SINHCAF: variants seen among roughly 807,000 people sequenced by gnomAD.
SINHCAF encodes the protein SIN3-HDAC complex associated factor.
A neutral mutation model predicts 25.8 loss-of-function variants in SINHCAF; 3 were observed. That is an observed-to-expected ratio of 0.12 (90% CI 0.05 to 0.30). The LOEUF is 0.30. SINHCAF is among the 10% of genes least tolerant of loss of function. The pLI, the probability that SINHCAF is intolerant of heterozygous loss-of-function variation, is 1.00. For missense variants in SINHCAF, 121 were observed against 262.3 expected, an observed-to-expected ratio of 0.46 and a Z score of 3.72; for synonymous variants, 70 against 85.5, an observed-to-expected ratio of 0.82 and a Z score of 1.00.
In SINHCAF at chr12:31,310,544, G is replaced by A. The variant is rs17576199; in HGVS notation, c.-20-12320C>T. On this transcript the variant is annotated intron_variant, in intron 1 of 5. Coordinates refer to ENST00000337682, the MANE Select transcript of SINHCAF (RefSeq NM_001135812.2). The stretch of plus-strand genomic sequence containing the variant: ...AGGACCAAGACTTCCTAGCCTGGGA[G>A]TTTTAAGAGGTTAAGTGTTACCATT... 2.0e-3 allele frequency among the ~76,000 whole-genome samples: 312 copies of A among 152,244 alleles called. 9 individuals are homozygous for A. In the East Asian group the frequency reaches 0.049, roughly 24 times the overall value.
intron 1 of SINHCAF, among the ~76,000 whole-genome samples, chr12:31,320,806 T>C (rs929047021): frequency 3.4e-4 from 51 of 152,220 alleles, no homozygotes; most frequent in African/African-American, 1.2e-3. Context: ...AAAAAATGTT[T>C]CTTGCTTATT....
intron 1 of SINHCAF, among the ~76,000 whole-genome samples, chr12:31,300,164 C>CT (rs1477770286): frequency 6.6e-6 from 1 of 151,938 alleles, no homozygotes; most frequent in African/African-American, 2.4e-5. Context: ...AATATCCAGG[C>CT]TTTTTATGTG....
At chr12:31,289,283 G>A (rs1158309786) in intron 4 of SINHCAF, among the ~76,000 whole-genome samples, 5 of 152,136 alleles carry the variant, frequency 3.3e-5, no homozygotes, top group African/African-American at 1.2e-4. Flanking sequence ...AATTTGGCGA[G>A]ACATAAACCT....
At position 31,282,743 on chromosome 12, in the gene SINHCAF, T is replaced by A. The variant is rs1937858087; in HGVS notation, c.635A>T (p.Glu212Val). ...CTCCTGAGTGGAGATGGGCAGAGGC[T>A]CTGGCCCCTGCTCCTCTGGCTTCTC... is the stretch of plus-strand genomic sequence containing the variant. ...AAEKPEEQGP[E>V]PLPISTQEW The change falls in exon 6 of 6, where the codon GAG becomes GTG. Residue 212 changes from glutamate to valine, a missense_variant. Coordinates refer to ENST00000337682, the MANE Select transcript of SINHCAF (RefSeq NM_001135812.2). 6.2e-7 allele frequency: 1 copy of A among 1,610,930 alleles called. No individual in the cohort carries two copies. The highest frequency in any genetic ancestry group is 8.5e-7 in the Non-Finnish European group (1 of 1,178,762).
At chr12:31,296,322 C>T (rs193152027) in intron 2 of SINHCAF, among the ~76,000 whole-genome samples, 291 of 152,004 alleles carry the variant, frequency 1.9e-3, no homozygotes, top group African/African-American at 6.6e-3. Flanking sequence ...CGTGCCACCA[C>T]GCCTGGCTAA....
At chr12:31,313,185 C>T (rs2137124101) in intron 1 of SINHCAF, among the ~76,000 whole-genome samples, 1 of 151,958 alleles carries the variant, frequency 6.6e-6, no homozygotes, top group East Asian at 1.9e-4. Context: ...CCACCACGCC[C>T]AGCTATTTTT....
intron 5 of SINHCAF, among the ~76,000 whole-genome samples, chr12:31,286,664 A>T (rs1285978775): frequency 6.8e-6 from 1 of 147,582 alleles, no homozygotes; most frequent in African/African-American, 2.5e-5. Context: ...CTCCGTCTCA[A>T]AAAAAAAAAA....
intron 1 of SINHCAF, among the ~76,000 whole-genome samples, chr12:31,314,274 C>G (rs370675714): frequency 1.5e-4 from 23 of 152,030 alleles, no homozygotes; most frequent in East Asian, 7.8e-4. Flanking sequence ...GCCTGTAATC[C>G]CAGCAGTTTA....
intron 1 of SINHCAF, among the ~76,000 whole-genome samples, chr12:31,322,682 GA>G (rs879563678): frequency 3.9e-4 from 60 of 151,920 alleles, no homozygotes; most frequent in South Asian, 4.1e-4. Context: ...ACAAAATAAT[GA>G]AAAAAAATGG....
chr12:31,301,336 T>C (rs1016111037), intron 1 of SINHCAF, among the ~76,000 whole-genome samples: 3 of 152,214 alleles, frequency 2.0e-5, no homozygotes, highest in African/African-American at 7.2e-5. Context: ...GCTGATGTCT[T>C]AGGATTCATA....
At chr12:31,283,464 G>A (rs1469566105) in intron 5 of SINHCAF, among the ~76,000 whole-genome samples, 4 of 152,080 alleles carry the variant, frequency 2.6e-5, no homozygotes, top group South Asian at 2.1e-4. Flanking sequence ...TTAGCCAGGC[G>A]TGGTGGCACG....
At chr12:31,300,037 A>G (rs1453406488) in intron 1 of SINHCAF, among the ~76,000 whole-genome samples, 1 of 152,226 alleles carries the variant, frequency 6.6e-6, no homozygotes, top group East Asian at 1.9e-4. Context: ...GGTTGACCGA[A>G]ACGTCCTTGT....
At position 31,288,575 on chromosome 12, in the gene SINHCAF, C is replaced by G. The variant is rs76820999; in HGVS notation, c.356-791G>C. ...AGTAACAAGGAGCCTCCCCCTCCCC[C>G]CAACCTCAGATGTCAATGGAGGTTG... On this transcript the variant is annotated intron_variant, in intron 4 of 5. Coordinates refer to ENST00000337682, the MANE Select transcript of SINHCAF (RefSeq NM_001135812.2). 9.2e-3 allele frequency among the ~76,000 whole-genome samples: 1,400 copies of G among 152,268 alleles called. 12 individuals carry two copies. The highest frequency in any genetic ancestry group is 0.037 in the East Asian group (190 of 5,172).
At chr12:31,284,399 T>C (rs1424197548) in intron 5 of SINHCAF, among the ~76,000 whole-genome samples, 2 of 152,222 alleles carry the variant, frequency 1.3e-5, no homozygotes, top group Non-Finnish European at 2.9e-5. Flanking sequence ...GTAGGAGTTG[T>C]CTGTATATTC....
chr12:31,315,182 C>G (rs1939449788), intron 1 of SINHCAF, among the ~76,000 whole-genome samples: 1 of 152,050 alleles, frequency 6.6e-6, no homozygotes, highest in Non-Finnish European at 1.5e-5. Flanking sequence ...TATGGTGAAG[C>G]AATAGTTGAG....
In SINHCAF at chr12:31,325,345, T is replaced by C; in HGVS notation, c.-21+679A>G. The C allele has an allele frequency of 2.4e-6, 1 of 418,384 alleles. No individual in the cohort carries two copies. Among genetic ancestry groups the C allele is most frequent in the Non-Finnish European group, 4.8e-6 (1 of 207,348 alleles). The allele number at this position is 418,384 out of a possible 1,614,324, so 25.9% of individuals were successfully genotyped here. ...TTAAGCGACCGCGTGTTGCTCTCAT[T>C]GTCGCATCCGCATCCCTCCGGAGTT... On this transcript the variant is annotated intron_variant, in intron 1 of 5. Transcript: ENST00000337682. This position sits in a 1 kb window ranked among gnomAD's most constrained non-coding sequence, Gnocchi z 5.9.
chr12:31,318,372 T>C (rs1039733419), intron 1 of SINHCAF, among the ~76,000 whole-genome samples: 1 of 152,196 alleles, frequency 6.6e-6, no homozygotes, highest in African/African-American at 2.4e-5. Flanking sequence ...AGAATAAAAC[T>C]GAGAAAGGGG....
In SINHCAF at chr12:31,325,680, C is replaced by T. The variant is rs575180897; in HGVS notation, c.-21+344G>A. 17 of 176,230 alleles carry T rather than the reference C, an allele frequency of 9.6e-5. No homozygotes were observed. The highest frequency in any genetic ancestry group is 1.5e-4 in the Non-Finnish European group (12 of 81,760). The allele number at this position is 176,230 out of a possible 1,614,324, so 10.9% of individuals were successfully genotyped here. A position where few individuals can be genotyped will look rare whatever the true frequency, so the allele number is the denominator to read the frequency against. ...GGCTCCTTTCCGCGAGAGAACACTG[C>T]GGCGGAGAAAAGTCATTGTCACCTT... is the stretch of plus-strand genomic sequence containing the variant. On this transcript the variant is annotated intron_variant, in intron 1 of 5. Coordinates refer to ENST00000337682, the MANE Select transcript of SINHCAF (RefSeq NM_001135812.2). This position sits in a 1 kb window ranked among gnomAD's most constrained non-coding sequence, Gnocchi z 5.9.
At chr12:31,285,505 A>G (rs1310559171) in intron 5 of SINHCAF, among the ~76,000 whole-genome samples, 3 of 151,748 alleles carry the variant, frequency 2.0e-5, no homozygotes, top group Non-Finnish European at 2.9e-5. Context: ...TAACTCCTCC[A>G]AAGGGCTTTT....
Sources: gnomAD v4.1 joint callset for allele counts (sites outside exome capture counted in the v4.1 genomes callset) on GRCh38, gnomAD v4.1.1 for gene constraint, Gnocchi (gnomAD v3.1) non-coding constraint, MANE v1.5 for transcripts, NCBI Gene and HGNC (gene_info 2026-07-23, HGNC 2026-07-21) for gene names.